The following LHFPL6 variants were observed in gnomAD, a reference collection of about 807,000 sequenced individuals.
LHFPL6 encodes LHFPL tetraspan subfamily member 6 protein.
LHFPL6 carries 9 observed loss-of-function variants against 20.6 expected under a neutral mutation model. The ratio of observed to expected loss-of-function variants is 0.44; its 90% CI spans 0.26 to 0.76. The LOEUF (loss-of-function observed/expected upper bound fraction) is 0.76. LHFPL6 is among the 30% of genes least tolerant of loss of function. The pLI is 0.20. For synonymous variants in LHFPL6, 105 were observed against 98.7 expected, an observed-to-expected ratio of 1.06 and a Z score of -0.38; for missense variants, 218 against 253.5, an observed-to-expected ratio of 0.86 and a Z score of 0.95.
intron 3 of LHFPL6, among the ~76,000 whole-genome samples, chr13:39,362,925 T>C (rs1341375326): frequency 1.3e-5 from 2 of 152,140 alleles, no homozygotes; most frequent in South Asian, 2.1e-4. Context: ...ATCCATCTTC[T>C]CCAGCAGGAG....
chr13:39,543,894 T>C (rs982300673), intron 2 of LHFPL6, among the ~76,000 whole-genome samples: 7 of 152,220 alleles, frequency 4.6e-5, no homozygotes, highest in Admixed American at 1.3e-4. Flanking sequence ...CTCAGACACA[T>C]CTGGAAAATG....
At chr13:39,502,054 A>G (rs1031014887) in intron 2 of LHFPL6, among the ~76,000 whole-genome samples, 1 of 152,126 alleles carries the variant, frequency 6.6e-6, no homozygotes, top group African/African-American at 2.4e-5. Flanking sequence ...TGGATTCCTT[A>G]TCACTTGTTC....
chr13:39,503,175 C>T (rs1222215549), intron 2 of LHFPL6, among the ~76,000 whole-genome samples: 1 of 152,196 alleles, frequency 6.6e-6, no homozygotes, highest in Non-Finnish European at 1.5e-5. Flanking sequence ...TAAATGCTAC[C>T]TGACCCGGCA....
chr13:39,586,710 C>T (rs1185279247), intron 2 of LHFPL6, among the ~76,000 whole-genome samples: 1 of 152,176 alleles, frequency 6.6e-6, no homozygotes, highest in Non-Finnish European at 1.5e-5. Context: ...GAGATTCTCA[C>T]CATCGCTGGC....
chr13:39,405,783 C>T (rs1023178889), intron 2 of LHFPL6, among the ~76,000 whole-genome samples: 2 of 152,274 alleles, frequency 1.3e-5, no homozygotes, highest in East Asian at 3.9e-4. Flanking sequence ...AGACAGAGTA[C>T]GCATAAATTC....
intron 2 of LHFPL6, among the ~76,000 whole-genome samples, chr13:39,390,253 C>T (rs116261556): frequency 6.6e-6 from 1 of 152,002 alleles, no homozygotes; most frequent in African/African-American, 2.4e-5. Flanking sequence ...TGCCCTGCCA[C>T]AGTGAGCTAA....
At chr13:39,513,840 T>A (rs932843452) in intron 2 of LHFPL6, among the ~76,000 whole-genome samples, 1 of 152,214 alleles carries the variant, frequency 6.6e-6, no homozygotes, top group Non-Finnish European at 1.5e-5. Flanking sequence ...TGTCTTTCTA[T>A]TTATTAGTGT....
chr13:39,544,643 A>T (rs1870918423), intron 2 of LHFPL6, among the ~76,000 whole-genome samples: 1 of 152,140 alleles, frequency 6.6e-6, no homozygotes. Flanking sequence ...ATTGAATGGG[A>T]ATGATTCTTT....
At chr13:39,446,980 C>G (rs1351340932) in intron 2 of LHFPL6, among the ~76,000 whole-genome samples, 1 of 152,176 alleles carries the variant, frequency 6.6e-6, no homozygotes, top group Non-Finnish European at 1.5e-5. Context: ...CTCTCTAGAG[C>G]TGAATTCTAA....
chr13:39,403,763 A>G (rs746603143), intron 2 of LHFPL6, among the ~76,000 whole-genome samples: 2 of 152,226 alleles, frequency 1.3e-5, no homozygotes, highest in Non-Finnish European at 2.9e-5. Flanking sequence ...TATTCAAAGT[A>G]TGTGCATGGG....
chr13:39,591,901 GC>G (rs775186067), intron 2 of LHFPL6, among the ~76,000 whole-genome samples: 5 of 152,102 alleles, frequency 3.3e-5, no homozygotes, highest in Non-Finnish European at 2.9e-5. Context: ...TTCAAGACCA[GC>G]CTGGCCAACA....
intron 2 of LHFPL6, among the ~76,000 whole-genome samples, chr13:39,384,615 G>A (rs1336205252): frequency 6.6e-6 from 1 of 152,194 alleles, no homozygotes; most frequent in Non-Finnish European, 1.5e-5. Context: ...TGCAGAAATA[G>A]AGCTCAGAAA....
chr13:39,432,552 C>A (rs1224244810), intron 2 of LHFPL6, among the ~76,000 whole-genome samples: 6 of 152,162 alleles, frequency 3.9e-5, no homozygotes, highest in Non-Finnish European at 8.8e-5. Context: ...TTGTTCAAAT[C>A]TCACTCTCGA....
intron 2 of LHFPL6, among the ~76,000 whole-genome samples, chr13:39,571,862 C>T (rs1212552216): frequency 6.6e-6 from 1 of 152,220 alleles, no homozygotes; most frequent in Non-Finnish European, 1.5e-5. Flanking sequence ...ACGGGCCCTG[C>T]ATGGAGCTTG....
chr13:39,397,267 T>C (rs560402379), intron 2 of LHFPL6, among the ~76,000 whole-genome samples: 5 of 152,004 alleles, frequency 3.3e-5, no homozygotes, highest in Non-Finnish European at 5.9e-5. Flanking sequence ...GAGGCTCTGG[T>C]TTCTCCAAGC....
intron 2 of LHFPL6, among the ~76,000 whole-genome samples, chr13:39,597,885 G>C (rs1872815036): frequency 6.6e-6 from 1 of 152,220 alleles, no homozygotes; most frequent in African/African-American, 2.4e-5. Context: ...TTGTTCCAAA[G>C]TACTGCAGGG....
chr13:39,506,231 G>C (rs968813332), intron 2 of LHFPL6, among the ~76,000 whole-genome samples: 5 of 152,178 alleles, frequency 3.3e-5, no homozygotes, highest in African/African-American at 9.7e-5. Context: ...CAACAGTGCG[G>C]TTAATAGATG....
Position 39,380,510 on chromosome 13 carries a change from G to GTT in LHFPL6, c.386-1986_386-1985dup, listed in dbSNP as rs56370946. On this transcript the variant is annotated intron_variant, in intron 2 of 3. Coordinates refer to ENST00000379589, the MANE Select transcript of LHFPL6 (RefSeq NM_005780.3). ...TCCTGTCAGATCAGTGGTGGCATCA[G>GTT]TTTTTTTTTTTTTTTTTTGAGACAG... Among the ~76,000 whole-genome samples the GTT allele has an allele frequency of 3.5e-3, 467 of 133,494 alleles. 2 individuals carry two copies. Among genetic ancestry groups the GTT allele is most frequent in the African/African-American group, 9.3e-3 (339 of 36,394 alleles). The allele number at this position is 133,494 out of a possible 152,430, so 87.6% of individuals were successfully genotyped here. A position where few individuals can be genotyped will look rare whatever the true frequency, so the allele number is the denominator to read the frequency against.
chr13:39,488,196 C>T (rs1484327145), intron 2 of LHFPL6, among the ~76,000 whole-genome samples: 2 of 152,316 alleles, frequency 1.3e-5, no homozygotes, highest in South Asian at 2.1e-4. Context: ...AAGGAAATAA[C>T]CTTCACTAGA....
Sources: gnomAD v4.1 joint callset for allele counts (sites outside exome capture counted in the v4.1 genomes callset) on GRCh38, gnomAD v4.1.1 for gene constraint, MANE v1.5 for transcripts, NCBI Gene and HGNC (gene_info 2026-07-23, HGNC 2026-07-21) for gene names.